The following C9 variants were observed in gnomAD, a reference collection of about 807,000 sequenced individuals.
C9 encodes the protein complement component C9.
In C9, 63 loss-of-function variants were observed where a neutral mutation model predicts 65.4. The observed-to-expected ratio is 0.96, with a 90% confidence interval of 0.79 to 1.19. The LOEUF (loss-of-function observed/expected upper bound fraction) is 1.19, where lower values mean the gene tolerates loss of function less well. C9 is among the 50% of genes most tolerant of loss of function. C9 has a pLI of 0.00. For missense variants in C9, 744 were observed against 670.1 expected, an observed-to-expected ratio of 1.11 and a Z score of -1.22; for synonymous variants, 229 against 227.9, an observed-to-expected ratio of 1.00 and a Z score of -0.04.
At chr5:39,319,942 A>G (rs1302537291) in intron 5 of C9, among the ~76,000 whole-genome samples, 2 of 151,982 alleles carry the variant, frequency 1.3e-5, no homozygotes, top group African/African-American at 4.8e-5. Context: ...CTACCCAAGG[A>G]CTCCAGCATC....
rs1216237044 is a variant in C9, at chr5:39,341,584, G to T, written c.300C>A (p.Asp100Glu). Residue 100 changes from aspartate to glutamate, a missense_variant, in exon 3 of 11, where the codon GAC becomes GAA. Coordinates refer to ENST00000263408, the MANE Select transcript of C9 (RefSeq NM_001737.5). ...TACTGCATTGAAAGTCATTTCCGCA[G>T]TCATCCTCAGCATCCTCACAGGGCT... ...PTEPCEDAED[D>E]CGNDFQCSTG... The T allele has an allele frequency of 6.2e-7, 1 of 1,614,092 alleles. No individual in the cohort carries two copies. The highest frequency in any genetic ancestry group is 2.2e-5 in the East Asian group (1 of 44,878).
intron 7 of C9, among the ~76,000 whole-genome samples, chr5:39,309,407 G>T (rs1753439852): frequency 6.6e-6 from 1 of 152,044 alleles, no homozygotes; most frequent in Admixed American, 6.6e-5. Context: ...AGACATCTGG[G>T]GGCATTTAGG....
chr5:39,359,220 G>A (rs893120748), intron 1 of C9, among the ~76,000 whole-genome samples: 3 of 150,292 alleles, frequency 2.0e-5, no homozygotes, highest in Admixed American at 6.7e-5. Flanking sequence ...AAGTAACTTG[G>A]AGAATGGTGG....
Position 39,288,837 on chromosome 5 carries a change from G to A in C9, c.1531C>T (p.His511Tyr), listed in dbSNP as rs959061883. 2 of 1,610,296 alleles carry A rather than the reference G, an allele frequency of 1.2e-6. No individual in the cohort carries two copies. Among genetic ancestry groups the A allele is most frequent in the East Asian group, 2.2e-5 (1 of 44,784 alleles). The change falls in exon 10 of 11, where the codon CAC becomes TAC. Residue 511 changes from histidine to tyrosine, a missense_variant. Transcript: ENST00000263408. ...ACTGTACCTCCATTTTGGCATGTGT[G>A]GCATTTTCTTACACTAAATTCATTG... ...YINEFSVRKCHTCQNGGTVIL... is the reference protein window; with the variant it reads ...YINEFSVRKCYTCQNGGTVIL...
chr5:39,360,811 G>A (rs1221434731), intron 1 of C9, among the ~76,000 whole-genome samples: 2 of 152,016 alleles, frequency 1.3e-5, no homozygotes, highest in African/African-American at 4.8e-5. Flanking sequence ...CCTGTCGCAA[G>A]GCTGTGAGAA....
intron 1 of C9, among the ~76,000 whole-genome samples, chr5:39,362,787 G>A (rs1371309771): frequency 6.6e-6 from 1 of 152,064 alleles, no homozygotes; most frequent in Non-Finnish European, 1.5e-5. Context: ...CATGACTGAG[G>A]GCTCTGAACA....
chr5:39,318,204 C>G (rs1399192743), intron 5 of C9, among the ~76,000 whole-genome samples: 1 of 152,046 alleles, frequency 6.6e-6, no homozygotes, highest in Admixed American at 6.5e-5. Flanking sequence ...AATTTTGCAT[C>G]CTGAGACTTT....
intron 9 of C9, among the ~76,000 whole-genome samples, chr5:39,302,639 C>T (rs1753305348): frequency 6.6e-6 from 1 of 151,992 alleles, no homozygotes; most frequent in South Asian, 2.1e-4. Flanking sequence ...TCTGGAAGAA[C>T]TAATACAGCT....
At chr5:39,318,434 C>G (rs1029374580) in intron 5 of C9, among the ~76,000 whole-genome samples, 1 of 152,126 alleles carries the variant, frequency 6.6e-6, no homozygotes, top group African/African-American at 2.4e-5. Flanking sequence ...TTGTCTTGTG[C>G]TGGTTTTCAA....
intron 1 of C9, among the ~76,000 whole-genome samples, chr5:39,345,654 A>G (rs1244199059): frequency 2.6e-5 from 4 of 152,236 alleles, no homozygotes; most frequent in Non-Finnish European, 4.4e-5. Flanking sequence ...AATTTAACTC[A>G]GCTCTGCACC....
At chr5:39,300,008 T>C (rs1753253724) in intron 9 of C9, among the ~76,000 whole-genome samples, 1 of 152,156 alleles carries the variant, frequency 6.6e-6, no homozygotes, top group Non-Finnish European at 1.5e-5. Context: ...TTTTGGATTA[T>C]ATTAGAAAAG....
chr5:39,345,377 T>C (rs972418604), intron 1 of C9, among the ~76,000 whole-genome samples: 3 of 152,130 alleles, frequency 2.0e-5, no homozygotes, highest in African/African-American at 4.8e-5. Context: ...GTAATCGTAG[T>C]CTCTGATAAA....
At chr5:39,333,022 C>T (rs1209555181) in intron 4 of C9, among the ~76,000 whole-genome samples, 2 of 152,032 alleles carry the variant, frequency 1.3e-5, no homozygotes, top group Non-Finnish European at 2.9e-5. Flanking sequence ...TAAAATTGAC[C>T]ACCTCCCACT....
chr5:39,300,965 C>A (rs6873332), intron 9 of C9, among the ~76,000 whole-genome samples: 1 of 151,652 alleles, frequency 6.6e-6, no homozygotes, highest in South Asian at 2.1e-4. Context: ...TTAGTGAGAC[C>A]AAGTTTAATA....
intron 6 of C9, among the ~76,000 whole-genome samples, chr5:39,312,717 C>A (rs1318270973): frequency 6.6e-6 from 1 of 152,108 alleles, no homozygotes; most frequent in Non-Finnish European, 1.5e-5. Context: ...GCAAATGGAT[C>A]TTTTGAGGGT....
At chr5:39,326,840 T>C (rs934475762) in intron 5 of C9, among the ~76,000 whole-genome samples, 11 of 152,202 alleles carry the variant, frequency 7.2e-5, no homozygotes, top group Non-Finnish European at 1.5e-4. Flanking sequence ...AAGCCTCTGC[T>C]TGCAATTTTG....
chr5:39,341,408 A>G, intron 3 of C9, 115 bp from the exon 4 acceptor site: 2 of 1,446,532 alleles, frequency 1.4e-6, no homozygotes, highest in Middle Eastern at 1.7e-4. Flanking sequence ...AACACATTTG[A>G]GTTCTTTGTA....
rs770277569 is a variant in C9, at chr5:39,311,400, A to AT, written c.871-24_871-23insA. On this transcript the variant is annotated intron_variant, in intron 6 of 10. Coordinates refer to ENST00000263408, the MANE Select transcript of C9 (RefSeq NM_001737.5). The stretch of plus-strand genomic sequence containing the variant: ...TTCCTGTGTTGTAGAGCAGATGAAG[A>AT]AGAGAAACATGTGTTTTATCCACCA... The AT allele has an allele frequency of 7.2e-5, 116 of 1,606,972 alleles. No homozygotes were observed. The African/African-American group carries it at 1.4e-3, about 19-fold the overall frequency.
At chr5:39,296,699 T>G (rs1333643788) in intron 9 of C9, among the ~76,000 whole-genome samples, 3 of 151,544 alleles carry the variant, frequency 2.0e-5, no homozygotes, top group Non-Finnish European at 3.0e-5. Flanking sequence ...AAATAATGTA[T>G]TTTTTCTTTT....
Sources: gnomAD v4.1 joint callset for allele counts (sites outside exome capture counted in the v4.1 genomes callset) on GRCh38, gnomAD v4.1.1 for gene constraint, MANE v1.5 for transcripts, NCBI Gene and HGNC (gene_info 2026-07-23, HGNC 2026-07-21) for gene names.